Variants in CADM2 observed in about 807,000 individuals in gnomAD.
CADM2 encodes the protein cell adhesion molecule 2, also known as immunoglobulin superfamily member 4D.
Under a neutral mutation model 49.8 loss-of-function variants are expected in CADM2, and 12 were observed. The observed-to-expected ratio is 0.24, with a 90% CI of 0.15 to 0.39. CADM2 has a LOEUF of 0.39. CADM2 is among the 10% of genes least tolerant of loss of function. CADM2 has a pLI of 1.00. For synonymous variants in CADM2, 214 were observed against 175.4 expected (o/e 1.22, Z -1.74); for missense variants, 378 against 492.3 (o/e 0.77, Z 2.20).
rs1387540397 is a variant in CADM2 at position 85,329,033 on chromosome 3, A to G, written c.61+369365A>G. ...TTAAGAGGATTAGCCCTCATCCAGTATGACTGGTGTCATTATAAAATGTTA... is the reference window on the plus strand; with the variant it reads ...TTAAGAGGATTAGCCCTCATCCAGTGTGACTGGTGTCATTATAAAATGTTA... On this transcript the variant is annotated intron_variant, in intron 1 of 9. Coordinates refer to ENST00000383699, the MANE Select transcript of CADM2 (RefSeq NM_001167675.2). 2.6e-5 allele frequency among the ~76,000 whole-genome samples: 4 copies of G among 152,176 alleles called. No individual in the cohort carries two copies. In the East Asian group the frequency reaches 7.7e-4, roughly 29 times the overall value.
At position 85,337,710 on chromosome 3, in the gene CADM2, A is replaced by G. The variant is rs541413727; in HGVS notation, c.61+378042A>G. ...TAAGTATTTTTGCTCTTTTTTCTACAAAATCTATAAACACCCCAAAACTAA... is the reference window on the plus strand; with the variant it reads ...TAAGTATTTTTGCTCTTTTTTCTACGAAATCTATAAACACCCCAAAACTAA... On this transcript the variant is annotated intron_variant, in intron 1 of 9. Coordinates refer to ENST00000383699, the MANE Select transcript of CADM2 (RefSeq NM_001167675.2). 6.6e-5 allele frequency among the ~76,000 whole-genome samples: 10 copies of G among 151,514 alleles called. No homozygotes were observed. In the South Asian group the frequency reaches 2.1e-3, roughly 31 times the overall value.
intron 8 of CADM2, among the ~76,000 whole-genome samples, chr3:86,064,107 C>T (rs1739029531): frequency 6.6e-6 from 1 of 151,456 alleles, no homozygotes; most frequent in South Asian, 2.1e-4. Context: ...GCACAATGTG[C>T]AGGTTTGTTC....
intron 3 of CADM2, among the ~76,000 whole-genome samples, chr3:85,845,346 G>C (rs1406170297): frequency 1.3e-5 from 2 of 152,098 alleles, no homozygotes; most frequent in Non-Finnish European, 2.9e-5. Flanking sequence ...TCAGGAGTCA[G>C]ATGACCAACT....
intron 2 of CADM2, among the ~76,000 whole-genome samples, chr3:85,743,470 T>G (rs2068477199): frequency 6.6e-6 from 1 of 152,206 alleles, no homozygotes; most frequent in Admixed American, 6.5e-5. Flanking sequence ...ATGTTTACCT[T>G]TGCATTTTAG....
chr3:85,118,647 C>A (rs2038734792), intron 1 of CADM2, among the ~76,000 whole-genome samples: 1 of 152,162 alleles, frequency 6.6e-6, no homozygotes, highest in Non-Finnish European at 1.5e-5. Flanking sequence ...GTGGGAGCTA[C>A]AATTCAAGAC....
chr3:85,651,060 C>T (rs1250181319), intron 1 of CADM2, among the ~76,000 whole-genome samples: 1 of 151,418 alleles, frequency 6.6e-6, no homozygotes, highest in African/African-American at 2.4e-5. Context: ...CAACTTTAAC[C>T]AATGAAATGT....
At chr3:85,993,127 C>T (rs9825758) in intron 8 of CADM2, 14,942 of 152,036 alleles carry the variant, frequency 0.098, 884 homozygotes, top group Non-Finnish European at 0.13. Flanking sequence ...TTGCTTGAGG[C>T]CAGGAGTTCA....
intron 5 of CADM2, among the ~76,000 whole-genome samples, chr3:85,911,807 A>G (rs1031886662): frequency 7.2e-5 from 11 of 152,200 alleles, no homozygotes; most frequent in African/African-American, 2.4e-4. Context: ...AATGGAGTAT[A>G]TAAGAATATC....
chr3:85,032,871 T>C (rs1310576820), intron 1 of CADM2, among the ~76,000 whole-genome samples: 1 of 152,192 alleles, frequency 6.6e-6, no homozygotes, highest in African/African-American at 2.4e-5. Context: ...AATGAAAGAC[T>C]CTACAATAAA....
At chr3:85,391,753 G>A (rs953224045) in intron 1 of CADM2, among the ~76,000 whole-genome samples, 6 of 152,168 alleles carry the variant, frequency 3.9e-5, no homozygotes, top group South Asian at 2.1e-4. Flanking sequence ...TCTCTGAAAA[G>A]GTGATCTACT....
Position 85,898,953 on chromosome 3 carries a change from A to AT in CADM2, c.529+12627dup, listed in dbSNP as rs1415627325. On this transcript the variant is annotated intron_variant, in intron 5 of 9. Transcript: ENST00000383699. ...ATTTATTGTGTATATATATATATATATATTTTTTTTTTTTTTTTTTTTTTT... is the reference window on the plus strand; with the variant it reads ...ATTTATTGTGTATATATATATATATATTATTTTTTTTTTTTTTTTTTTTTTT... 3.9e-3 allele frequency among the ~76,000 whole-genome samples: 169 copies of AT among 42,786 alleles called. 2 individuals carry two copies. The highest frequency in any genetic ancestry group is 0.015 in the Middle Eastern group (1 of 68). The allele number at this position is 42,786 out of a possible 152,430, so 28.1% of individuals were successfully genotyped here.
At chr3:85,368,582 G>A (rs2032971309) in intron 1 of CADM2, among the ~76,000 whole-genome samples, 1 of 150,770 alleles carries the variant, frequency 6.6e-6, no homozygotes, top group African/African-American at 2.4e-5. Flanking sequence ...ATATATACCT[G>A]AAAAAGTATC....
At chr3:85,312,414 A>G (rs1350784831) in intron 1 of CADM2, among the ~76,000 whole-genome samples, 1 of 152,140 alleles carries the variant, frequency 6.6e-6, no homozygotes. Context: ...GTGTAAATTG[A>G]CTAGACATTG....
chr3:85,198,108 G>A (rs964880856), intron 1 of CADM2, among the ~76,000 whole-genome samples: 2 of 151,680 alleles, frequency 1.3e-5, no homozygotes, highest in African/African-American at 4.8e-5. Context: ...TATTAGTATA[G>A]TGTCTTTAAC....
chr3:85,287,666 A>T (rs534352096), intron 1 of CADM2, among the ~76,000 whole-genome samples: 1 of 152,130 alleles, frequency 6.6e-6, no homozygotes, highest in African/African-American at 2.4e-5. Context: ...GTCATTATTA[A>T]TTATTAGGAA....
chr3:85,728,277 T>C (rs1216110584), intron 2 of CADM2, among the ~76,000 whole-genome samples: 1 of 152,194 alleles, frequency 6.6e-6, no homozygotes, highest in South Asian at 2.1e-4. Flanking sequence ...TGTTCCACAC[T>C]TAGCCATTTT....
intron 1 of CADM2, among the ~76,000 whole-genome samples, chr3:85,367,883 C>T (rs2032911493): frequency 6.6e-6 from 1 of 151,144 alleles, no homozygotes; most frequent in Non-Finnish European, 1.5e-5. Context: ...CACGCAGATA[C>T]AGCTGAGAAT....
intron 1 of CADM2, among the ~76,000 whole-genome samples, chr3:85,618,709 C>G (rs530843625): frequency 6.6e-6 from 1 of 151,988 alleles, no homozygotes; most frequent in South Asian, 2.1e-4. Flanking sequence ...CACAGATATA[C>G]TATTAATTCT....
intron 1 of CADM2, among the ~76,000 whole-genome samples, chr3:85,185,171 C>T (rs933828837): frequency 6.6e-6 from 1 of 152,116 alleles, no homozygotes; most frequent in Admixed American, 6.6e-5. Flanking sequence ...GTAGAAGATG[C>T]CCTATCTTTT....
Sources: allele counts gnomAD v4.1 joint callset (sites outside exome capture counted in the v4.1 genomes callset), GRCh38; gene constraint gnomAD v4.1.1; transcripts MANE v1.5; gene names NCBI Gene and HGNC (gene_info 2026-07-23, HGNC 2026-07-21).